Variants in ARHGAP10 observed in about 807,000 individuals in gnomAD.
ARHGAP10 encodes rho GTPase-activating protein 10.
In ARHGAP10, 87 loss-of-function variants were observed where a neutral mutation model predicts 108.6. The observed-to-expected ratio is 0.80, with a 90% confidence interval of 0.67 to 0.96. The LOEUF (loss-of-function observed/expected upper bound fraction) is 0.96, where lower values mean the gene tolerates loss of function less well. Ranked by LOEUF, ARHGAP10 falls within the 40% of genes least tolerant of loss-of-function variation. The pLI is 0.00. For missense variants in ARHGAP10, 939 were observed against 954.5 expected (o/e 0.98, Z 0.21); for synonymous variants, 347 against 341.1 (o/e 1.02, Z -0.19).
At chr4:148,001,147 C>T (rs997321551) in intron 18 of ARHGAP10, among the ~76,000 whole-genome samples, 2 of 152,164 alleles carry the variant, frequency 1.3e-5, no homozygotes, top group Non-Finnish European at 2.9e-5. Context: ...AGCCAGTTTT[C>T]CCAGCACCTT....
At chr4:147,949,097 G>A (rs770573575) in intron 15 of ARHGAP10, among the ~76,000 whole-genome samples, 7 of 152,046 alleles carry the variant, frequency 4.6e-5, no homozygotes, top group East Asian at 3.9e-4. Flanking sequence ...AAATTTATCC[G>A]TGGGTGATAG....
chr4:147,902,557 A>T (rs1053340990), intron 10 of ARHGAP10, among the ~76,000 whole-genome samples: 23 of 152,258 alleles, frequency 1.5e-4, no homozygotes, highest in African/African-American at 5.1e-4. Flanking sequence ...CCTGGCCAAC[A>T]TGGAGAAGCC....
In ARHGAP10 at chr4:147,918,376, C is replaced by T. The variant is rs553483196; in HGVS notation, c.1228+5237C>T. Among the ~76,000 whole-genome samples the T allele has an allele frequency of 1.4e-3, 215 of 152,176 alleles. 2 individuals carry two copies. Among genetic ancestry groups the T allele is most frequent in the African/African-American group, 5.0e-3 (206 of 41,504 alleles). On this transcript the variant is annotated intron_variant, in intron 13 of 22. Transcript: ENST00000336498. ...GGTCTTGATCTCCTGACCTCGTGATCCACCTGCCTCGGCCTCCCAAAGTGC... is the reference window on the plus strand; with the variant it reads ...GGTCTTGATCTCCTGACCTCGTGATTCACCTGCCTCGGCCTCCCAAAGTGC...
In ARHGAP10 at chr4:147,875,024, C is replaced by T. The variant is rs142876032; in HGVS notation, c.706C>T (p.Arg236Trp). Reference protein sequence around the residue: ...MELQINIQNTRNRFEGTRSEV... With the variant: ...MELQINIQNTWNRFEGTRSEV... ...TGTGTTTTTTAATCCATTTCAGACACGGAATCGATTTGAAGGAACAAGGTC... is the reference window on the plus strand; with the variant it reads ...TGTGTTTTTTAATCCATTTCAGACATGGAATCGATTTGAAGGAACAAGGTC... Residue 236 changes from arginine (R) to tryptophan (W), a missense_variant, in exon 8 of 23, where the codon CGG (arginine) becomes TGG (tryptophan). Physicochemically the swap from Arg to Trp is moderately radical, Grantham distance 101. Coordinates refer to ENST00000336498, the MANE Select transcript of ARHGAP10 (RefSeq NM_024605.4). 1.0e-5 allele frequency: 16 copies of T among 1,580,546 alleles called. No individual in the cohort carries two copies. Among genetic ancestry groups the T allele is most frequent in the Admixed American group, 4.0e-5 (2 of 50,340 alleles).
At chr4:148,017,526 C>T (rs1741391082) in intron 18 of ARHGAP10, among the ~76,000 whole-genome samples, 1 of 151,646 alleles carries the variant, frequency 6.6e-6, no homozygotes, top group South Asian at 2.1e-4. Flanking sequence ...AAGGCCAGCT[C>T]TTTAATGCAG....
chr4:147,834,565 G>T (rs4835461), intron 3 of ARHGAP10, among the ~76,000 whole-genome samples: 107,703 of 152,010 alleles, frequency 0.71, 42,845 homozygotes, highest in Non-Finnish European at 0.88. Flanking sequence ...CCAGACTGGG[G>T]ATTAAGTTTC....
At chr4:147,964,965 A>G in intron 16 of ARHGAP10, 59 bp from the exon 17 acceptor site, 2 of 1,197,366 alleles carry the variant, frequency 1.7e-6, no homozygotes, top group Non-Finnish European at 2.3e-6. Context: ...TGAGTTCTCT[A>G]TTAACTATTG....
intron 15 of ARHGAP10, among the ~76,000 whole-genome samples, chr4:147,947,487 C>G (rs1738432039): frequency 6.6e-6 from 1 of 151,838 alleles, no homozygotes; most frequent in Non-Finnish European, 1.5e-5. Flanking sequence ...ACTGCAACCT[C>G]TGCCTCCCAG....
chr4:148,071,624 A>G (rs1013593329), intron 22 of ARHGAP10, among the ~76,000 whole-genome samples: 1 of 105,218 alleles, frequency 9.5e-6, no homozygotes, highest in Non-Finnish European at 2.2e-5. Flanking sequence ...TCAGGAAGAA[A>G]ACAAACAAAC....
In ARHGAP10 at chr4:147,869,998, T is replaced by TTTTGTG. The variant is rs1553958574; in HGVS notation, c.702+3183_702+3184insTTGTGT. Among the ~76,000 whole-genome samples, 603 of 93,102 alleles carry TTTTGTG rather than the reference T, an allele frequency of 6.5e-3. 18 individuals are homozygous for TTTTGTG. Among genetic ancestry groups the TTTTGTG allele is most frequent in the African/African-American group, 0.022 (496 of 22,786 alleles). 61.1% of individuals were successfully genotyped at this position (93,102 alleles called of 152,430 possible). On this transcript the variant is annotated intron_variant, in intron 7 of 22. Coordinates refer to ENST00000336498, the MANE Select transcript of ARHGAP10 (RefSeq NM_024605.4). ...ACATATTGTTGAAAAAAGTCCCAGT[T>TTTTGTG]TGTGTGTGTGTGTGTGTGTGTGTGT...
At chr4:147,813,729 T>C (rs1042106904) in intron 1 of ARHGAP10, among the ~76,000 whole-genome samples, 2 of 152,212 alleles carry the variant, frequency 1.3e-5, no homozygotes, top group African/African-American at 4.8e-5. Flanking sequence ...GTGAGTTTTT[T>C]CTCAAAGCAA....
intron 13 of ARHGAP10, among the ~76,000 whole-genome samples, chr4:147,922,902 A>C (rs1737308835): frequency 6.6e-6 from 1 of 152,018 alleles, no homozygotes; most frequent in African/African-American, 2.4e-5. Context: ...TCCTATGTTT[A>C]CTTTGTTTCT....
At chr4:147,799,205 T>G (rs1731477099) in intron 1 of ARHGAP10, among the ~76,000 whole-genome samples, 1 of 151,958 alleles carries the variant, frequency 6.6e-6, no homozygotes, top group Non-Finnish European at 1.5e-5. Flanking sequence ...TGGCTAATTT[T>G]TGTATTTTTA....
intron 18 of ARHGAP10, among the ~76,000 whole-genome samples, chr4:147,967,760 C>T (rs556041644): frequency 2.0e-5 from 3 of 152,172 alleles, no homozygotes; most frequent in South Asian, 4.1e-4. Flanking sequence ...GGGGGATCTG[C>T]AAGGCTTTTC....
At chr4:148,059,719 A>C (rs1351313865) in intron 20 of ARHGAP10, among the ~76,000 whole-genome samples, 2 of 152,080 alleles carry the variant, frequency 1.3e-5, no homozygotes, top group Non-Finnish European at 2.9e-5. Context: ...CTGAAACCGT[A>C]CCCTGCTTGC....
chr4:147,944,804 G>T (rs532518633), intron 14 of ARHGAP10, among the ~76,000 whole-genome samples: 82 of 152,136 alleles, frequency 5.4e-4, no homozygotes, highest in Middle Eastern at 6.8e-3. Context: ...AGAAAACCAG[G>T]CAAATTGATA....
intron 18 of ARHGAP10, among the ~76,000 whole-genome samples, chr4:147,986,995 A>G (rs912793527): frequency 2.5e-4 from 38 of 152,226 alleles, no homozygotes; most frequent in African/African-American, 9.2e-4. Flanking sequence ...AATAGGCTAC[A>G]CTGATCCTCA....
At chr4:148,068,236 G>A (rs1352852675) in intron 22 of ARHGAP10, among the ~76,000 whole-genome samples, 4 of 152,174 alleles carry the variant, frequency 2.6e-5, no homozygotes, top group Non-Finnish European at 5.9e-5. Context: ...GCGACCCCAC[G>A]TGGCAGCGGC....
chr4:147,883,851 G>T (rs1735435653), intron 10 of ARHGAP10, among the ~76,000 whole-genome samples: 1 of 151,872 alleles, frequency 6.6e-6, no homozygotes, highest in Admixed American at 6.6e-5. Context: ...CACACTACCA[G>T]ACCCGGCTAA....
Sources: gnomAD v4.1 joint callset for allele counts (sites outside exome capture counted in the v4.1 genomes callset) on GRCh38, gnomAD v4.1.1 for gene constraint, MANE v1.5 for transcripts, NCBI Gene and HGNC (gene_info 2026-07-23, HGNC 2026-07-21) for gene names.